EXPH5: variants seen among roughly 807,000 people sequenced by gnomAD.
The protein encoded by EXPH5 is exophilin-5.
EXPH5 carries 42 observed loss-of-function variants against 41.1 expected under a neutral mutation model. That is an observed-to-expected ratio of 1.02 (90% CI 0.80 to 1.32). The LOEUF is 1.32. Among genes scored for constraint, EXPH5 ranks in the 40% most tolerant of loss-of-function variants. The pLI is 0.00. For missense variants in EXPH5, 2,298 were observed against 2,314.5 expected, an observed-to-expected ratio of 0.99 and a Z score of 0.15; for synonymous variants, 798 against 833.5, an observed-to-expected ratio of 0.96 and a Z score of 0.73.
At chr11:108,572,519 T>A (rs1379127994) in intron 1 of EXPH5, among the ~76,000 whole-genome samples, 1 of 152,234 alleles carries the variant, frequency 6.6e-6, no homozygotes, top group African/African-American at 2.4e-5. Flanking sequence ...CTTATTTTGT[T>A]TGCTTTCTTG....
At chr11:108,561,931 C>G (rs903305281) in intron 1 of EXPH5, among the ~76,000 whole-genome samples, 1 of 152,288 alleles carries the variant, frequency 6.6e-6, no homozygotes, top group East Asian at 1.9e-4. Context: ...AGCTGGACCA[C>G]AAGCCTGTGG....
At position 108,576,974 on chromosome 11, in the gene EXPH5, A is replaced by G. The variant is rs182883555; in HGVS notation, c.119+16444T>C. 2.1e-3 allele frequency among the ~76,000 whole-genome samples: 323 copies of G among 152,332 alleles called. 2 individuals carry two copies. Among genetic ancestry groups the G allele is most frequent in the Admixed American group, 4.2e-3 (65 of 15,296 alleles). On this transcript the variant is annotated intron_variant, in intron 1 of 5. Coordinates refer to ENST00000265843, the MANE Select transcript of EXPH5 (RefSeq NM_015065.3). ...TTTTAGCTCCCATATATGAGTGAGA[A>G]TATGTGATATTTGTATTTCTGTACT... is the stretch of plus-strand genomic sequence containing the variant.
chr11:108,533,849 G>T (rs2093860566), intron 3 of EXPH5, among the ~76,000 whole-genome samples: 1 of 152,124 alleles, frequency 6.6e-6, no homozygotes, highest in African/African-American at 2.4e-5. Context: ...AGGCTGGAGT[G>T]CAGTGGCACA....
chr11:108,513,272 G>A lies in EXPH5; in HGVS notation c.2235C>T (p.Pro745=). The A allele has an allele frequency of 6.2e-7, 1 of 1,612,006 alleles. No homozygotes were observed. Among genetic ancestry groups the A allele is most frequent in the African/African-American group, 1.3e-5 (1 of 74,898 alleles). The change falls in exon 6 of 6, where the codon CCC becomes CCT. Residue 745 remains proline, a synonymous_variant. Coordinates refer to ENST00000265843, the MANE Select transcript of EXPH5 (RefSeq NM_015065.3). ...ISNSLPDFQN[P]LSQDSAKSNG... ...TGCTCTTGGCTGAGTCCTGGGATAA[G>A]GGATTTTGAAAATCAGGTAAAGAGT...
chr11:108,536,204 G>A (rs1456613201), intron 3 of EXPH5, among the ~76,000 whole-genome samples: 1 of 152,016 alleles, frequency 6.6e-6, no homozygotes, highest in East Asian at 1.9e-4. Flanking sequence ...AAATCATAAC[G>A]GGACAGTTTG....
chr11:108,553,155 T>C (rs1022461131), intron 1 of EXPH5, among the ~76,000 whole-genome samples: 1 of 152,134 alleles, frequency 6.6e-6, no homozygotes, highest in African/African-American at 2.4e-5. Flanking sequence ...GCCGAGATCA[T>C]GCCACTGCAC....
At chr11:108,595,452 G>A (rs569719065), upstream of EXPH5, among the ~76,000 whole-genome samples, 2 of 152,314 alleles carry the variant, frequency 1.3e-5, no homozygotes, top group South Asian at 2.1e-4. Context: ...GGGGATCAGC[G>A]TGCTGAATAG....
At chr11:108,581,206 A>T (rs1237413195) in intron 1 of EXPH5, among the ~76,000 whole-genome samples, 2 of 152,138 alleles carry the variant, frequency 1.3e-5, no homozygotes, top group Admixed American at 1.3e-4. Context: ...AGGGAGGCTG[A>T]GGTGGAAGGA....
upstream of EXPH5, among the ~76,000 whole-genome samples, chr11:108,596,063 T>C (rs1470146726): frequency 1.3e-5 from 2 of 151,946 alleles, no homozygotes; most frequent in Non-Finnish European, 1.5e-5. Context: ...TAGCCCAGCA[T>C]GTGCACCTGT....
chr11:108,590,899 T>C (rs1416097484), intron 1 of EXPH5, among the ~76,000 whole-genome samples: 2 of 152,228 alleles, frequency 1.3e-5, no homozygotes, highest in East Asian at 3.8e-4. Flanking sequence ...GCGATCCTTT[T>C]GCCTCAGTCT....
chr11:108,513,734 G>A lies in EXPH5; in HGVS notation c.1773C>T (p.His591=), dbSNP rs777782359. The part of the protein sequence containing the change: ...NVCSMTGSSY[H]VKSSELVSQQ... Reference sequence around the variant, plus strand: ...GACTTACCAACTCACTAGATTTGACGTGATAGCTTGAACCAGTCATGGAGC... The same window carrying A: ...GACTTACCAACTCACTAGATTTGACATGATAGCTTGAACCAGTCATGGAGC... Residue 591 remains histidine (H), a synonymous_variant, in exon 6 of 6, where the codon CAC becomes CAT. Coordinates refer to ENST00000265843, the MANE Select transcript of EXPH5 (RefSeq NM_015065.3). 2.5e-5 allele frequency: 40 copies of A among 1,611,830 alleles called. No homozygotes were observed. Among genetic ancestry groups the A allele is most frequent in the Middle Eastern group, 1.6e-4 (1 of 6,072 alleles).
At chr11:108,596,143 C>T (rs2094138649), upstream of EXPH5, among the ~76,000 whole-genome samples, 2 of 151,208 alleles carry the variant, frequency 1.3e-5, no homozygotes, top group South Asian at 2.1e-4. Context: ...TGCAGTGAGC[C>T]GAGATCACAC....
intron 1 of EXPH5, among the ~76,000 whole-genome samples, chr11:108,548,739 A>G (rs1439789085): frequency 1.3e-5 from 2 of 152,222 alleles, no homozygotes; most frequent in African/African-American, 4.8e-5. Context: ...CCTATGAAGT[A>G]TAGTTTGTAC....
intron 1 of EXPH5, among the ~76,000 whole-genome samples, chr11:108,543,219 C>T (rs545136715): frequency 6.6e-6 from 1 of 152,252 alleles, no homozygotes; most frequent in Admixed American, 6.5e-5. Context: ...CTTCTCTCCT[C>T]CCCTTTCCTG....
chr11:108,568,174 T>TTG (rs1781723747), intron 1 of EXPH5: 2 of 90,902 alleles, frequency 2.2e-5, no homozygotes, highest in Non-Finnish European at 4.0e-5. Flanking sequence ...CTTACTTTTT[T>TTG]TGGGAGGGGG....
At chr11:108,579,005 T>G (rs1419179444) in intron 1 of EXPH5, among the ~76,000 whole-genome samples, 1 of 152,224 alleles carries the variant, frequency 6.6e-6, no homozygotes, top group Non-Finnish European at 1.5e-5. Flanking sequence ...TTCTTTCTCT[T>G]GCCTAATTGC....
At chr11:108,552,688 G>A (rs75808055) in intron 1 of EXPH5, among the ~76,000 whole-genome samples, 4,196 of 152,274 alleles carry the variant, frequency 0.028, 176 homozygotes, top group African/African-American at 0.092. Context: ...AGGCCAAGGT[G>A]GAAGGATTAC....
chr11:108,573,176 G>GAAAGAA, intron 1 of EXPH5, among the ~76,000 whole-genome samples: 1 of 145,182 alleles, frequency 6.9e-6, no homozygotes, highest in South Asian at 2.2e-4. Flanking sequence ...AAGAAAGAAA[G>GAAAGAA]AAAGAAAGAA....
At chr11:108,593,774 C>A, upstream of EXPH5, 2 of 1,535,394 alleles carry the variant, frequency 1.3e-6, no homozygotes, top group Non-Finnish European at 1.7e-6. Context: ...AAGTGAACGG[C>A]TAAAGGGAGA....
Sources: allele counts gnomAD v4.1 joint callset (sites outside exome capture counted in the v4.1 genomes callset), GRCh38; gene constraint gnomAD v4.1.1; transcripts MANE v1.5; gene names NCBI Gene and HGNC (gene_info 2026-07-23, HGNC 2026-07-21).